Variants in PACRGL observed in about 807,000 individuals in gnomAD.
The protein encoded by PACRGL is PACRG-like protein.
In PACRGL, 38 loss-of-function variants were observed where a neutral mutation model predicts 34.5. The observed-to-expected ratio is 1.10, with a 90% CI of 0.85 to 1.44. PACRGL has a LOEUF of 1.44. Ranked by LOEUF, PACRGL falls within the 40% of genes most tolerant of loss-of-function variation. The pLI, the probability that PACRGL is intolerant of heterozygous loss-of-function variation, is 0.00. For missense variants in PACRGL, 305 were observed against 281.4 expected, an observed-to-expected ratio of 1.08 and a Z score of -0.60; for synonymous variants, 128 against 100.1, an observed-to-expected ratio of 1.28 and a Z score of -1.66.
At chr4:20,711,703 G>A (rs542831828) in intron 5 of PACRGL, among the ~76,000 whole-genome samples, 5 of 151,962 alleles carry the variant, frequency 3.3e-5, no homozygotes, top group Admixed American at 6.5e-5. Context: ...TTATCATTTC[G>A]AAAAAAGTCA....
Position 20,727,624 on chromosome 4 carries a change from T to G in PACRGL, c.*283T>G. Reference sequence around the variant, plus strand: ...TATTGAGTTTGCAAGATAAGATGTATTTGTATTTTCTAGTGTCTTTTTATT... The same window carrying G: ...TATTGAGTTTGCAAGATAAGATGTAGTTGTATTTTCTAGTGTCTTTTTATT... On this transcript the variant is annotated 3_prime_UTR_variant, in exon 9 of 9. Transcript: ENST00000503585. 1 of 284,138 alleles carries G rather than the reference T, an allele frequency of 3.5e-6. No homozygotes were observed. Among genetic ancestry groups the G allele is most frequent in the East Asian group, 6.1e-5 (1 of 16,414 alleles). 17.6% of individuals were successfully genotyped at this position (284,138 alleles called of 1,614,324 possible).
At chr4:20,732,738 A>T, downstream of PACRGL, 1 of 1,612,740 alleles carries the variant, frequency 6.2e-7, no homozygotes, top group Non-Finnish European at 8.5e-7. Flanking sequence ...CAGGATATGT[A>T]CATTTACCCA....
chr4:20,732,867 C>T (rs1446452817), downstream of PACRGL: 26 of 839,072 alleles, frequency 3.1e-5, no homozygotes, highest in East Asian at 6.9e-4. Context: ...ATTTTTCCTA[C>T]TCAATTTTAA....
rs544757773 is a variant in PACRGL, at chr4:20,730,911, G to C, written c.*3570G>C. On this transcript the variant is annotated 3_prime_UTR_variant, in exon 9 of 9. Coordinates refer to ENST00000503585, the MANE Select transcript of PACRGL (RefSeq NM_001258345.3). ...CTGCTAGAAACCAAGTAACATCACCGTCAAGCAGCTTAATGTCACCAAATT... is the reference window on the plus strand; with the variant it reads ...CTGCTAGAAACCAAGTAACATCACCCTCAAGCAGCTTAATGTCACCAAATT... 6.6e-6 allele frequency among the ~76,000 whole-genome samples: 1 copy of C among 152,036 alleles called. No individual in the cohort carries two copies. Among genetic ancestry groups the C allele is most frequent in the African/African-American group, 2.4e-5 (1 of 41,400 alleles).
chr4:20,702,082 A>G (rs1311576547), intron 1 of PACRGL: 2 of 445,782 alleles, frequency 4.5e-6, no homozygotes, highest in Non-Finnish European at 9.0e-6. Flanking sequence ...AACTTTTTCA[A>G]ATGAGTTTTG....
chr4:20,721,122 A>G (rs1300394772), intron 7 of PACRGL, among the ~76,000 whole-genome samples: 1 of 152,114 alleles, frequency 6.6e-6, no homozygotes, highest in Non-Finnish European at 1.5e-5. Context: ...TGAGTCGGCT[A>G]CTGAAGCTTG....
intron 8 of PACRGL, among the ~76,000 whole-genome samples, chr4:20,748,688 C>A (rs1752967815): frequency 6.8e-6 from 1 of 146,014 alleles, no homozygotes; most frequent in Non-Finnish European, 1.5e-5. Context: ...CTTCTGAGAC[C>A]AAGCACAACC....
Position 20,729,474 on chromosome 4 carries a change from A to G in PACRGL, c.*2133A>G, listed in dbSNP as rs1560391978. ...TATGCTGATATCTGATAATAAACTA[A>G]TTTTTAAATGTTTAATAATTTTTAA... On this transcript the variant is annotated 3_prime_UTR_variant, in exon 9 of 9. Coordinates refer to ENST00000503585, the MANE Select transcript of PACRGL (RefSeq NM_001258345.3). The G allele has an allele frequency of 2.5e-5, 3 of 118,420 alleles. No homozygotes were observed. The highest frequency in any genetic ancestry group is 1.1e-4 in the African/African-American group (3 of 27,146). 7.3% of individuals were successfully genotyped at this position (118,420 alleles called of 1,614,324 possible).
rs1421879025 is a variant in PACRGL at position 20,729,021 on chromosome 4, T to G, written c.*1680T>G. ...TAAATCTTGGTAGTAGTTGTCAATG[T>G]AATGGAACCACTGGTGCTTTCAAAG... On this transcript the variant is annotated 3_prime_UTR_variant, in exon 9 of 9. Coordinates refer to ENST00000503585, the MANE Select transcript of PACRGL (RefSeq NM_001258345.3). 1 of 152,280 alleles carries G rather than the reference T, an allele frequency of 6.6e-6. No homozygotes were observed. Among genetic ancestry groups the G allele is most frequent in the African/African-American group, 2.4e-5 (1 of 41,430 alleles). The allele number at this position is 152,280 out of a possible 1,614,324, so 9.4% of individuals were successfully genotyped here.
intron 8 of PACRGL, among the ~76,000 whole-genome samples, chr4:20,746,550 G>T (rs934716585): frequency 1.3e-5 from 2 of 151,870 alleles, no homozygotes; most frequent in African/African-American, 4.8e-5. Flanking sequence ...ACTGATAACT[G>T]CTATAGTTAA....
At chr4:20,749,640 A>T (rs1327581876) in intron 8 of PACRGL, 1 of 1,523,910 alleles carries the variant, frequency 6.6e-7, no homozygotes, top group Non-Finnish European at 9.1e-7. Flanking sequence ...GTCAAATGAT[A>T]TGAAAATAAT....
At chr4:20,749,729 G>C in intron 8 of PACRGL, 1 of 1,603,996 alleles carries the variant, frequency 6.2e-7, no homozygotes, top group Non-Finnish European at 8.5e-7. Context: ...ATATGTTGTA[G>C]AGTCTGAAAT....
intron 1 of PACRGL, among the ~76,000 whole-genome samples, chr4:20,701,265 A>G (rs1344031070): frequency 6.6e-6 from 1 of 152,158 alleles, no homozygotes; most frequent in African/African-American, 2.4e-5. Flanking sequence ...TAGAAAGTAC[A>G]CTTTCCTACC....
At chr4:20,754,327 G>A (rs62411666), downstream of PACRGL, among the ~76,000 whole-genome samples, 3,492 of 152,248 alleles carry the variant, frequency 0.023, 60 homozygotes, top group Non-Finnish European at 0.033. Flanking sequence ...ATAAGACAAA[G>A]CACTTTCCTG....
downstream of PACRGL, among the ~76,000 whole-genome samples, chr4:20,734,285 A>G (rs1578423073): frequency 6.6e-6 from 1 of 152,130 alleles, no homozygotes; most frequent in Admixed American, 6.5e-5. Flanking sequence ...TATGGATCAC[A>G]TGCTGTGGGG....
intron 8 of PACRGL, among the ~76,000 whole-genome samples, chr4:20,749,145 G>T (rs1753088273): frequency 9.6e-6 from 1 of 104,354 alleles, no homozygotes. Flanking sequence ...ATGACAGAGC[G>T]AGACTCTTTC....
intron 1 of PACRGL, chr4:20,702,244 C>T (rs1396660017): frequency 2.2e-6 from 1 of 456,184 alleles, no homozygotes; most frequent in Non-Finnish European, 4.4e-6. Flanking sequence ...GAAAAATGTG[C>T]ATCATAATTT....
chr4:20,764,236 A>AGAGT, the PACRGL span, among the ~76,000 whole-genome samples: 1 of 152,218 alleles, frequency 6.6e-6, no homozygotes, highest in Admixed American at 6.5e-5. Context: ...GACTACTGTA[A>AGAGT]GAGTATATTG....
chr4:20,710,222 C>G (rs1284339795), intron 5 of PACRGL, among the ~76,000 whole-genome samples: 2 of 152,192 alleles, frequency 1.3e-5, no homozygotes, highest in African/African-American at 4.8e-5. Flanking sequence ...GGAGAATACT[C>G]CAGCTCTTTG....
Sources: gnomAD v4.1 joint callset for allele counts (sites outside exome capture counted in the v4.1 genomes callset) on GRCh38, gnomAD v4.1.1 for gene constraint, MANE v1.5 for transcripts, NCBI Gene and HGNC (gene_info 2026-07-23, HGNC 2026-07-21) for gene names.